Variants in GSK3B observed in about 807,000 individuals in gnomAD.
The protein encoded by GSK3B is glycogen synthase kinase-3 beta.
Under a neutral mutation model 56.4 loss-of-function variants are expected in GSK3B, and 15 were observed. The ratio of observed to expected loss-of-function variants is 0.27; its 90% CI spans 0.18 to 0.41. The LOEUF (loss-of-function observed/expected upper bound fraction) is 0.41. Ranked by LOEUF, GSK3B falls within the 10% of genes least tolerant of loss-of-function variation. The pLI is 1.00. For missense variants in GSK3B, 300 were observed against 513.4 expected (o/e 0.58, Z 4.02); for synonymous variants, 181 against 188.9 (o/e 0.96, Z 0.34).
intron 1 of GSK3B, among the ~76,000 whole-genome samples, chr3:120,079,561 A>G (rs2058399891): frequency 6.6e-6 from 1 of 151,860 alleles, no homozygotes; most frequent in Admixed American, 6.6e-5. Flanking sequence ...TACCCGGCTA[A>G]TTTTTGTATT....
intron 3 of GSK3B, among the ~76,000 whole-genome samples, chr3:119,929,656 A>T (rs775095357): frequency 6.6e-6 from 1 of 151,832 alleles, no homozygotes; most frequent in Non-Finnish European, 1.5e-5. Context: ...TAATCCCAGC[A>T]CTTTGGCAGG....
At chr3:120,059,266 T>C (rs943400075) in intron 1 of GSK3B, among the ~76,000 whole-genome samples, 4 of 152,174 alleles carry the variant, frequency 2.6e-5, no homozygotes, top group Admixed American at 6.5e-5. Context: ...AAAGCAGCAC[T>C]CTGGAACAAA....
intron 4 of GSK3B, among the ~76,000 whole-genome samples, chr3:119,920,900 C>G (rs1429108767): frequency 1.3e-5 from 2 of 152,178 alleles, no homozygotes; most frequent in Non-Finnish European, 2.9e-5. Flanking sequence ...TTTCCTAGCT[C>G]TGTTCGCTAA....
intron 2 of GSK3B, among the ~76,000 whole-genome samples, chr3:119,955,799 G>C (rs999213408): frequency 6.6e-6 from 1 of 151,956 alleles, no homozygotes; most frequent in Non-Finnish European, 1.5e-5. Flanking sequence ...GATTACAGGC[G>C]CCTGCCACCA....
At chr3:120,058,110 A>G (rs1180945652) in intron 1 of GSK3B, among the ~76,000 whole-genome samples, 1 of 152,148 alleles carries the variant, frequency 6.6e-6, no homozygotes, top group African/African-American at 2.4e-5. Context: ...AAAGCCAAAG[A>G]TTCAATTTGG....
In GSK3B at chr3:120,044,529, G is replaced by C. The variant is rs147134123; in HGVS notation, c.89-42290C>G. 2.4e-3 allele frequency among the ~76,000 whole-genome samples: 366 copies of C among 152,108 alleles called. 1 individual carries two copies. The highest frequency in any genetic ancestry group is 8.4e-3 in the African/African-American group (347 of 41,486). Reference sequence around the variant, plus strand: ...CTGAAAAGTAAGAGAAGCCCCTTATGGGTCTTTTGACTCTTAAGTTTATTT... The same window carrying C: ...CTGAAAAGTAAGAGAAGCCCCTTATCGGTCTTTTGACTCTTAAGTTTATTT... On this transcript the variant is annotated intron_variant, in intron 1 of 10. Coordinates refer to ENST00000264235, the MANE Select transcript of GSK3B (RefSeq NM_001146156.2).
chr3:119,869,435 A>G (rs1458954827), intron 8 of GSK3B, among the ~76,000 whole-genome samples: 1 of 152,150 alleles, frequency 6.6e-6, no homozygotes, highest in African/African-American at 2.4e-5. Flanking sequence ...AGGGTAGGAT[A>G]CACAAACTGA....
intron 1 of GSK3B, among the ~76,000 whole-genome samples, chr3:120,005,046 G>A (rs2057714383): frequency 6.6e-6 from 1 of 152,034 alleles, no homozygotes. Flanking sequence ...TTAGACGAAT[G>A]GCTAACTAGA....
At chr3:120,055,258 G>A (rs1045986447) in intron 1 of GSK3B, among the ~76,000 whole-genome samples, 1 of 152,076 alleles carries the variant, frequency 6.6e-6, no homozygotes, top group African/African-American at 2.4e-5. Flanking sequence ...TGAGTAAAGG[G>A]TCCCAAGAAG....
chr3:119,928,612 TAAAAAAAAAAA>T (rs1160252679), intron 3 of GSK3B, among the ~76,000 whole-genome samples: 2 of 67,056 alleles, frequency 3.0e-5, no homozygotes, highest in South Asian at 6.9e-4. Context: ...ATCAAAAAAA[TAAAAAAAAAAA>T]AAAAAAAAAA....
Position 119,929,225 on chromosome 3 carries a change from C to T in GSK3B, c.367-5742G>A, listed in dbSNP as rs151150938. Among the ~76,000 whole-genome samples the T allele has an allele frequency of 1.7e-3, 257 of 152,222 alleles. 1 individual carries two copies. The highest frequency in any genetic ancestry group is 6.0e-3 in the African/African-American group (250 of 41,510). ...ATAAAGAGAACAAATTAACAGAATG[C>T]TCAATTGGTGTGAAAAGGATTGCTG... is the stretch of plus-strand genomic sequence containing the variant. On this transcript the variant is annotated intron_variant, in intron 3 of 10. Coordinates refer to ENST00000264235, the MANE Select transcript of GSK3B (RefSeq NM_001146156.2).
At chr3:119,887,635 A>G (rs754629704) in intron 7 of GSK3B, among the ~76,000 whole-genome samples, 1 of 152,132 alleles carries the variant, frequency 6.6e-6, no homozygotes, top group Non-Finnish European at 1.5e-5. Context: ...ATGTGACTTG[A>G]GTCTGATGGT....
chr3:119,853,280 A>G (rs971711698), intron 9 of GSK3B, among the ~76,000 whole-genome samples: 11 of 152,118 alleles, frequency 7.2e-5, no homozygotes, highest in African/African-American at 1.2e-4. Context: ...CCATTGGTCT[A>G]TATCTCTGTT....
intron 1 of GSK3B, among the ~76,000 whole-genome samples, chr3:120,045,988 C>T (rs935768989): frequency 2.0e-5 from 3 of 151,792 alleles, no homozygotes; most frequent in Non-Finnish European, 4.4e-5. Context: ...AAAAAGGCTA[C>T]ATACTGTATG....
intron 9 of GSK3B, among the ~76,000 whole-genome samples, chr3:119,862,892 A>C (rs999136516): frequency 6.6e-6 from 1 of 152,174 alleles, no homozygotes; most frequent in African/African-American, 2.4e-5. Flanking sequence ...TTATCTCAGC[A>C]GCAGCAATGG....
intron 1 of GSK3B, among the ~76,000 whole-genome samples, chr3:120,085,334 T>G (rs1411579112): frequency 6.6e-6 from 1 of 152,168 alleles, no homozygotes; most frequent in Non-Finnish European, 1.5e-5. Context: ...ATTTAAGTAA[T>G]GTATAGAATG....
intron 1 of GSK3B, among the ~76,000 whole-genome samples, chr3:120,043,685 C>T (rs77313004): frequency 0.015 from 2,281 of 152,192 alleles, 55 homozygotes; most frequent in African/African-American, 0.051. Flanking sequence ...CCAAAGGAAC[C>T]ACCCCCTCTA....
chr3:120,034,670 T>C (rs1263842714), intron 1 of GSK3B, among the ~76,000 whole-genome samples: 4 of 152,176 alleles, frequency 2.6e-5, no homozygotes, highest in African/African-American at 2.4e-5. Context: ...TTTTCAATTT[T>C]TGAGGGGCTA....
At chr3:120,088,315 C>A (rs960270185) in intron 1 of GSK3B, among the ~76,000 whole-genome samples, 1 of 152,032 alleles carries the variant, frequency 6.6e-6, no homozygotes, top group African/African-American at 2.4e-5. Context: ...AAATAGAAAA[C>A]TCAATAACGT....
Sources: allele counts gnomAD v4.1 joint callset (sites outside exome capture counted in the v4.1 genomes callset), GRCh38; gene constraint gnomAD v4.1.1; transcripts MANE v1.5; gene names NCBI Gene and HGNC (gene_info 2026-07-23, HGNC 2026-07-21).